ZNF44: variants seen among roughly 807,000 people sequenced by gnomAD.
The protein encoded by ZNF44 is gonadotropin inducible transcription repressor-2.
Under a neutral mutation model 11.7 loss-of-function variants are expected in ZNF44, and 9 were observed. That is an observed-to-expected ratio of 0.77 (90% CI 0.46 to 1.35). The LOEUF (loss-of-function observed/expected upper bound fraction) is 1.35. Ranked by LOEUF, ZNF44 falls within the 40% of genes most tolerant of loss-of-function variation. The pLI is 0.00. For synonymous variants in ZNF44, 224 were observed against 242.7 expected (o/e 0.92, Z 0.72); for missense variants, 696 against 743.1 (o/e 0.94, Z 0.74).
intron 1 of ZNF44, among the ~76,000 whole-genome samples, chr19:12,276,900 T>C (rs1160901441): frequency 2.0e-5 from 3 of 152,192 alleles, no homozygotes; most frequent in Non-Finnish European, 4.4e-5. Context: ...CCTCATCATG[T>C]AATGCCCTGT....
chr19:12,275,103 G>T, intron 2 of ZNF44, 70 bp from the exon 3 acceptor site: 1 of 1,155,704 alleles, frequency 8.7e-7, no homozygotes, highest in Non-Finnish European at 1.2e-6. Context: ...AAGATTTTAT[G>T]TACACTACAA....
At position 12,273,381 on chromosome 19, in the gene ZNF44, C is replaced by T. The variant is rs775131473; in HGVS notation, c.874G>A (p.Val292Ile). Residue 292 changes from valine to isoleucine, a missense_variant, in exon 4 of 4, where the codon GTT becomes ATT. Physicochemically the swap from Val to Ile is conservative, Grantham distance 29. Transcript: ENST00000355684. Reference sequence around the variant, plus strand: ...TCATGTACTCGAAGGGAACCGGAAACACTGAAGGCTTTCCCACATTGTTTA... The same window carrying T: ...TCATGTACTCGAAGGGAACCGGAAATACTGAAGGCTTTCCCACATTGTTTA... Reference protein sequence around the residue: ...KCKQCGKAFSVSGSLRVHERI... With the variant: ...KCKQCGKAFSISGSLRVHERI... 4 of 1,612,560 alleles carry T rather than the reference C, an allele frequency of 2.5e-6. No homozygotes were observed. In the South Asian group the frequency reaches 3.3e-5, roughly 13 times the overall value.
At chr19:12,242,316 C>G (rs1916644661), upstream of ZNF44, among the ~76,000 whole-genome samples, 1 of 151,386 alleles carries the variant, frequency 6.6e-6, no homozygotes. Flanking sequence ...AAGGACCATC[C>G]TGGCTAACAC....
chr19:12,289,579 GCTTTCAGATCTTATACTTAGTGCT>G (rs1474387172), intron 1 of ZNF44, among the ~76,000 whole-genome samples: 36 of 150,844 alleles, frequency 2.4e-4, no homozygotes, highest in African/African-American at 8.5e-4. Context: ...GCTTTAAGAC[GCTTTCAGATCTTATACTTAGTGCT>G]CTTCTCCCTT....
chr19:12,252,748 A>T (rs1917060667), intron 5 of ZNF44, among the ~76,000 whole-genome samples: 1 of 152,062 alleles, frequency 6.6e-6, no homozygotes, highest in African/African-American at 2.4e-5. Flanking sequence ...AAAAAAGTAT[A>T]ATCAATATGT....
At chr19:12,253,707 C>T (rs183729561) in intron 5 of ZNF44, among the ~76,000 whole-genome samples, 25 of 152,136 alleles carry the variant, frequency 1.6e-4, no homozygotes, top group Admixed American at 7.8e-4. Flanking sequence ...AGGCCGAGTA[C>T]AGTGGCTCAC....
At chr19:12,258,203 C>T (rs1055059459) in intron 5 of ZNF44, among the ~76,000 whole-genome samples, 3 of 147,812 alleles carry the variant, frequency 2.0e-5, no homozygotes, top group Admixed American at 6.8e-5. Context: ...AGCATGGTGG[C>T]GCACCTGTGG....
intron 5 of ZNF44, among the ~76,000 whole-genome samples, chr19:12,259,401 T>C (rs1351873453): frequency 6.6e-6 from 1 of 152,224 alleles, no homozygotes; most frequent in Non-Finnish European, 1.5e-5. Context: ...TATCAACTGA[T>C]ACAGATGTTA....
intron 1 of ZNF44, among the ~76,000 whole-genome samples, chr19:12,287,051 A>AATAT (rs148270912): frequency 2.7e-5 from 4 of 148,586 alleles, no homozygotes; most frequent in South Asian, 2.1e-4. Context: ...ACACACGTAT[A>AATAT]ATATATATAT....
At chr19:12,286,015 T>G (rs1012500355) in intron 1 of ZNF44, among the ~76,000 whole-genome samples, 5 of 151,704 alleles carry the variant, frequency 3.3e-5, no homozygotes, top group African/African-American at 1.2e-4. Flanking sequence ...CGAGACTCCA[T>G]CTCAAAAAAA....
downstream of ZNF44, among the ~76,000 whole-genome samples, chr19:12,225,885 GCGCCTGCTGAAACATCAAGT>G (rs1183962636): frequency 1.3e-5 from 2 of 152,172 alleles, no homozygotes; most frequent in African/African-American, 2.4e-5. Flanking sequence ...CTTAGAGGCA[GCGCCTGCTGAAACATCAAGT>G]TTTCAGTTTA....
At chr19:12,284,028 A>C (rs1461744634) in intron 1 of ZNF44, among the ~76,000 whole-genome samples, 1 of 152,192 alleles carries the variant, frequency 6.6e-6, no homozygotes, top group Non-Finnish European at 1.5e-5. Flanking sequence ...AAGTAGAATA[A>C]ATTTAAAAGA....
intron 2 of ZNF44, among the ~76,000 whole-genome samples, chr19:12,230,950 T>G (rs977984228): frequency 6.6e-6 from 1 of 152,148 alleles, no homozygotes; most frequent in Non-Finnish European, 1.5e-5. Flanking sequence ...GGCTAGCATG[T>G]CTCTGGTCTG....
At chr19:12,266,011 G>C (rs1917713312) in intron 5 of ZNF44, among the ~76,000 whole-genome samples, 1 of 152,182 alleles carries the variant, frequency 6.6e-6, no homozygotes, top group Non-Finnish European at 1.5e-5. Context: ...GGGGAGACGC[G>C]GGCCTGCGGG....
At chr19:12,235,377 AAAAAC>A (rs542071830) in intron 1 of ZNF44, among the ~76,000 whole-genome samples, 27 of 152,302 alleles carry the variant, frequency 1.8e-4, no homozygotes, top group Non-Finnish European at 3.1e-4. Flanking sequence ...TCGTCTCGAA[AAAAAC>A]AAAACAAAAC....
chr19:12,293,302 T>C, intron 1 of ZNF44: 2 of 1,536,908 alleles, frequency 1.3e-6, no homozygotes, highest in East Asian at 2.4e-5. Context: ...AGGGCCGATA[T>C]CCACTAGGCC....
At chr19:12,265,395 A>C (rs1917690666) in intron 5 of ZNF44, among the ~76,000 whole-genome samples, 1 of 152,106 alleles carries the variant, frequency 6.6e-6, no homozygotes, top group Non-Finnish European at 1.5e-5. Context: ...ACAAACAAAC[A>C]AAAAAAGCAG....
intron 5 of ZNF44, among the ~76,000 whole-genome samples, chr19:12,262,407 A>G (rs1328246770): frequency 6.6e-6 from 1 of 152,006 alleles, no homozygotes; most frequent in Non-Finnish European, 1.5e-5. Context: ...AGTAGCTGAG[A>G]TTACAGGCGC....
intron 3 of ZNF44, among the ~76,000 whole-genome samples, chr19:12,227,601 C>T (rs112757826): frequency 1.3e-4 from 20 of 152,192 alleles, no homozygotes; most frequent in African/African-American, 4.8e-4. Flanking sequence ...AGTGAAAATC[C>T]GTCTCAGAAA....
Sources: allele counts gnomAD v4.1 joint callset (sites outside exome capture counted in the v4.1 genomes callset), GRCh38; gene constraint gnomAD v4.1.1; transcripts MANE v1.5; gene names NCBI Gene and HGNC (gene_info 2026-07-23, HGNC 2026-07-21).